Variants in SCLT1 observed in about 807,000 individuals in gnomAD.
The protein encoded by SCLT1 is sodium channel-associated protein 1.
Under a neutral mutation model 112.8 loss-of-function variants are expected in SCLT1, and 78 were observed. The ratio of observed to expected loss-of-function variants is 0.69; its 90% CI spans 0.58 to 0.83. The LOEUF (loss-of-function observed/expected upper bound fraction) is 0.83. Among genes scored for constraint, SCLT1 ranks in the 40% least tolerant of loss-of-function variants. The pLI, the probability that SCLT1 is intolerant of heterozygous loss-of-function variation, is 0.00. For missense variants in SCLT1, 747 were observed against 770.4 expected, an observed-to-expected ratio of 0.97 and a Z score of 0.36; for synonymous variants, 257 against 254.7, an observed-to-expected ratio of 1.01 and a Z score of -0.09.
At chr4:128,982,875 G>A (rs1741781926) in intron 9 of SCLT1, among the ~76,000 whole-genome samples, 1 of 151,864 alleles carries the variant, frequency 6.6e-6, no homozygotes. Flanking sequence ...CCATGCAAAT[G>A]CTTTACTTAG....
intron 5 of SCLT1, among the ~76,000 whole-genome samples, chr4:129,011,210 T>C (rs866841173): frequency 1.3e-5 from 2 of 152,240 alleles, no homozygotes; most frequent in African/African-American, 4.8e-5. Flanking sequence ...GTTTATGTGA[T>C]GAATCACATT....
At chr4:128,915,840 T>C (rs940666467) in intron 18 of SCLT1, among the ~76,000 whole-genome samples, 3 of 152,198 alleles carry the variant, frequency 2.0e-5, no homozygotes, top group Non-Finnish European at 4.4e-5. Context: ...GATAGTCCCA[T>C]AGGAAAGACA....
chr4:128,883,868 T>C (rs1183726814), downstream of SCLT1: 1 of 152,250 alleles, frequency 6.6e-6, no homozygotes, highest in Non-Finnish European at 1.5e-5. Context: ...ATTTGATTAG[T>C]ATTGCTTTAA....
chr4:128,998,968 TAGTGCTCA>T (rs1332257164), intron 7 of SCLT1, among the ~76,000 whole-genome samples: 1 of 151,890 alleles, frequency 6.6e-6, no homozygotes, highest in Non-Finnish European at 1.5e-5. Context: ...AATTCCTCCA[TAGTGCTCA>T]ATGCACCTAG....
chr4:128,997,003 C>T (rs936611212), intron 8 of SCLT1, among the ~76,000 whole-genome samples: 4 of 151,776 alleles, frequency 2.6e-5, no homozygotes, highest in Non-Finnish European at 4.4e-5. Flanking sequence ...TTAAAAAATG[C>T]CTTTCTTAAT....
At chr4:128,901,618 A>G (rs186443) in intron 18 of SCLT1, among the ~76,000 whole-genome samples, 1 of 151,884 alleles carries the variant, frequency 6.6e-6, no homozygotes, top group Non-Finnish European at 1.5e-5. Flanking sequence ...ACATGTATAC[A>G]TATGTAACTA....
At position 128,946,010 on chromosome 4, in the gene SCLT1, G is replaced by A. The variant is rs768144691; in HGVS notation, c.1436C>T (p.Thr479Ile). 37 of 1,598,960 alleles carry A rather than the reference G, an allele frequency of 2.3e-5. No individual in the cohort carries two copies. The highest frequency in any genetic ancestry group is 3.0e-5 in the Non-Finnish European group (35 of 1,170,736). Residue 479 changes from threonine (T) to isoleucine (I), a missense_variant, in exon 16 of 21, where the codon ACT becomes ATT. By Grantham distance (89) the Thr-to-Ile change is moderately conservative. Transcript: ENST00000281142. ...RAENRIKQLE[T>I]DSSEEISRYQ... ...AAAATCCAAAAGAAAAACTTACTCA[G>A]TTTCAAGTTGTTTTATTCTATTTTC...
At chr4:129,070,211 A>C (rs1208618329) in intron 2 of SCLT1, among the ~76,000 whole-genome samples, 3 of 152,068 alleles carry the variant, frequency 2.0e-5, no homozygotes, top group Non-Finnish European at 2.9e-5. Context: ...ATTGGTCTGT[A>C]GTTTTCTTTT....
Position 128,907,905 on chromosome 4 carries a change from A to G in SCLT1, c.1830-16768T>C, listed in dbSNP as rs77569506. Among the ~76,000 whole-genome samples the G allele has an allele frequency of 1.1e-3, 164 of 152,342 alleles. 5 individuals carry two copies. In the East Asian group the frequency reaches 0.03, roughly 28 times the overall value. ...ATACTTTAAATAAAACAAATAAAAG[A>G]CATATGAAATAAAACAAAGTTACTT... On this transcript the variant is annotated intron_variant, in intron 18 of 20. Coordinates refer to ENST00000281142, the MANE Select transcript of SCLT1 (RefSeq NM_144643.4).
intron 2 of SCLT1, among the ~76,000 whole-genome samples, chr4:129,049,937 T>G (rs935518460): frequency 5.9e-5 from 9 of 152,122 alleles, no homozygotes; most frequent in Non-Finnish European, 1.5e-5. Context: ...CCCCTCCTTG[T>G]GTCCCTGTGT....
In SCLT1 at chr4:129,022,517, C is replaced by G. The variant is rs114418829; in HGVS notation, c.290+16524G>C. 5.0e-3 allele frequency among the ~76,000 whole-genome samples: 767 copies of G among 152,168 alleles called. 10 individuals are homozygous for G. The highest frequency in any genetic ancestry group is 0.017 in the African/African-American group (700 of 41,514). The stretch of plus-strand genomic sequence containing the variant: ...TGAAGCATACAAAAGTATCAATAGC[C>G]AAATCGATCAAATGGAAGAAAGGAC... On this transcript the variant is annotated intron_variant, in intron 5 of 20. Coordinates refer to ENST00000281142, the MANE Select transcript of SCLT1 (RefSeq NM_144643.4).
At chr4:129,039,576 TTC>T (rs748120729) in intron 4 of SCLT1, 2 of 156,716 alleles carry the variant, frequency 1.3e-5, no homozygotes, top group Non-Finnish European at 2.8e-5. Context: ...TTCATTCAGT[TTC>T]TGATTCACCA....
At chr4:129,076,102 C>T (rs1350490007) in intron 2 of SCLT1, among the ~76,000 whole-genome samples, 1 of 152,108 alleles carries the variant, frequency 6.6e-6, no homozygotes, top group Non-Finnish European at 1.5e-5. Flanking sequence ...TCTCAGCACC[C>T]TGCTTCTTTC....
intron 18 of SCLT1, among the ~76,000 whole-genome samples, chr4:128,906,441 G>A (rs561513145): frequency 1.1e-4 from 16 of 152,108 alleles, no homozygotes; most frequent in South Asian, 2.1e-4. Flanking sequence ...CTCGTGATCC[G>A]CCCGCTTCGG....
chr4:128,876,624 A>C (rs1440907873), exon 4 of SCLT1: 1 of 152,256 alleles, frequency 6.6e-6, no homozygotes, highest in African/African-American at 2.4e-5. Flanking sequence ...AGTCTGAGGT[A>C]GGCTTTGATT....
intron 5 of SCLT1, among the ~76,000 whole-genome samples, chr4:129,033,902 G>A (rs1419163214): frequency 6.6e-6 from 1 of 152,070 alleles, no homozygotes; most frequent in East Asian, 1.9e-4. Context: ...GGCTTTTCAC[G>A]AGATTATTAA....
intron 9 of SCLT1, among the ~76,000 whole-genome samples, chr4:128,991,812 A>C (rs1742596907): frequency 6.6e-6 from 1 of 151,834 alleles, no homozygotes; most frequent in South Asian, 2.1e-4. Flanking sequence ...AAAAATTTTT[A>C]AACAATACAG....
chr4:128,994,151 T>C (rs1435626358), intron 8 of SCLT1, among the ~76,000 whole-genome samples: 2 of 152,088 alleles, frequency 1.3e-5, no homozygotes, highest in Non-Finnish European at 2.9e-5. Context: ...TGACCGAAAC[T>C]TCATGTGTGT....
chr4:128,981,047 G>A (rs2126051257), intron 9 of SCLT1, among the ~76,000 whole-genome samples: 1 of 152,210 alleles, frequency 6.6e-6, no homozygotes, highest in East Asian at 1.9e-4. Context: ...CCTGCCATAT[G>A]TCTAGTACTG....
Sources: allele counts gnomAD v4.1 joint callset (sites outside exome capture counted in the v4.1 genomes callset), GRCh38; gene constraint gnomAD v4.1.1; transcripts MANE v1.5; gene names NCBI Gene and HGNC (gene_info 2026-07-23, HGNC 2026-07-21).